RELCH: variants seen among roughly 807,000 people sequenced by gnomAD.
RELCH encodes the protein RAB11-binding protein RELCH.
A neutral mutation model predicts 150.3 loss-of-function variants in RELCH; 41 were observed. The ratio of observed to expected loss-of-function variants is 0.27; its 90% confidence interval spans 0.21 to 0.35. The LOEUF is 0.35. Ranked by LOEUF, RELCH falls within the 10% of genes least tolerant of loss-of-function variation. The pLI, the probability that RELCH is intolerant of heterozygous loss-of-function variation, is 1.00. For missense variants in RELCH, 1,092 were observed against 1,467.8 expected (o/e 0.74, Z 4.18); for synonymous variants, 478 against 531.8 (o/e 0.90, Z 1.39).
Position 62,305,245 on chromosome 18 carries a change from C to T in RELCH, c.3531-169C>T, listed in dbSNP as rs184518678. Among the ~76,000 whole-genome samples the T allele has an allele frequency of 2.1e-3, 319 of 152,290 alleles. 2 individuals are homozygous for T. Among genetic ancestry groups the T allele is most frequent in the Middle Eastern group, 6.8e-3 (2 of 294 alleles). On this transcript the variant is annotated intron_variant, in intron 28 of 28. Coordinates refer to ENST00000644646, the MANE Select transcript of RELCH (RefSeq NM_001346231.2). This position sits in a 1 kb window ranked among gnomAD's most constrained non-coding sequence, Gnocchi z 4.0. ...TGCTTCCTTTACTATAGATAATGAA[C>T]ATGAAAGCTCCTAACCTAGTATGGC... is the stretch of plus-strand genomic sequence containing the variant.
At chr18:62,280,332 T>G in intron 23 of RELCH, 1 of 1,604,024 alleles carries the variant, frequency 6.2e-7, no homozygotes, top group Non-Finnish European at 8.5e-7. Flanking sequence ...ACCAAACCAT[T>G]TTTTATTGCA....
intron 5 of RELCH, among the ~76,000 whole-genome samples, chr18:62,225,442 A>T (rs2041152962): frequency 6.6e-6 from 1 of 152,052 alleles, no homozygotes; most frequent in Non-Finnish European, 1.5e-5. Context: ...ATATCTAATA[A>T]AGGAGTTATA....
chr18:62,233,278 A>G (rs1466929667), intron 10 of RELCH, among the ~76,000 whole-genome samples: 1 of 151,876 alleles, frequency 6.6e-6, no homozygotes, highest in Non-Finnish European at 1.5e-5. Flanking sequence ...TATAAAGAAT[A>G]AATGAAGACA....
intron 20 of RELCH, among the ~76,000 whole-genome samples, chr18:62,270,957 T>C (rs1011660626): frequency 6.6e-6 from 1 of 152,048 alleles, no homozygotes; most frequent in Non-Finnish European, 1.5e-5. Context: ...ATCCATGGTG[T>C]ATATGTGCCA....
chr18:62,240,746 A>G (rs2148480396), intron 10 of RELCH, among the ~76,000 whole-genome samples: 1 of 152,212 alleles, frequency 6.6e-6, no homozygotes, highest in Non-Finnish European at 1.5e-5. Flanking sequence ...TTTCACTTCA[A>G]TACACATTAC....
chr18:62,295,285 T>C (rs2045349318), intron 27 of RELCH, among the ~76,000 whole-genome samples: 1 of 151,494 alleles, frequency 6.6e-6, no homozygotes, highest in South Asian at 2.1e-4. Context: ...ACGCTGGGAC[T>C]ACAGGCGTGA....
At chr18:62,272,996 C>G in intron 20 of RELCH, among the ~76,000 whole-genome samples, 1 of 151,436 alleles carries the variant, frequency 6.6e-6, no homozygotes, top group East Asian at 1.9e-4. Context: ...TTTTGTCAAT[C>G]CTTATCTCTA....
intron 1 of RELCH, among the ~76,000 whole-genome samples, chr18:62,204,885 A>G (rs2148267579): frequency 6.6e-6 from 1 of 152,264 alleles, no homozygotes; most frequent in Middle Eastern, 3.4e-3. Flanking sequence ...AAGAATAGCT[A>G]TTTTCCAGGA....
intron 1 of RELCH, among the ~76,000 whole-genome samples, chr18:62,196,493 G>A (rs946554824): frequency 6.6e-6 from 1 of 152,210 alleles, no homozygotes; most frequent in Non-Finnish European, 1.5e-5. Flanking sequence ...GCCTCCCAAC[G>A]TGCTGGGATT....
At chr18:62,206,067 T>G (rs1242027083) in intron 1 of RELCH, among the ~76,000 whole-genome samples, 2 of 152,096 alleles carry the variant, frequency 1.3e-5, no homozygotes, top group African/African-American at 4.8e-5. Flanking sequence ...TAGCAAGTTT[T>G]TTTGTTTGTT....
At chr18:62,263,892 A>G in intron 16 of RELCH, 97 bp from the exon 17 acceptor site, 1 of 809,776 alleles carries the variant, frequency 1.2e-6, no homozygotes, top group Non-Finnish European at 1.9e-6. Context: ...AAGTAATTAA[A>G]TATGAGGAGA....
In RELCH at chr18:62,261,398, T is replaced by A. The variant is rs2043262846; in HGVS notation, c.2203-113T>A. 7.7e-6 allele frequency: 7 copies of A among 908,418 alleles called. No individual in the cohort carries two copies. The South Asian group carries it at 9.0e-5, about 12-fold the overall frequency. The allele number at this position is 908,418 out of a possible 1,614,324, so 56.3% of individuals were successfully genotyped here. A position where few individuals can be genotyped will look rare whatever the true frequency, so the allele number is the denominator to read the frequency against. On this transcript the variant is annotated intron_variant, in intron 15 of 28. Coordinates refer to ENST00000644646, the MANE Select transcript of RELCH (RefSeq NM_001346231.2). ...CCTTACTGCTTGTTTGAGTCCAACATAAAGGTCCTTAAATCTTTGATTTGC... is the reference window on the plus strand; with the variant it reads ...CCTTACTGCTTGTTTGAGTCCAACAAAAAGGTCCTTAAATCTTTGATTTGC...
intron 2 of RELCH, among the ~76,000 whole-genome samples, chr18:62,212,471 G>A (rs1454458947): frequency 6.6e-6 from 1 of 152,154 alleles, no homozygotes; most frequent in Non-Finnish European, 1.5e-5. Flanking sequence ...CCCATAATGT[G>A]ATTTCTGTTT....
At chr18:62,290,895 A>G (rs1422483058) in intron 26 of RELCH, among the ~76,000 whole-genome samples, 1 of 152,178 alleles carries the variant, frequency 6.6e-6, no homozygotes, top group Non-Finnish European at 1.5e-5. Flanking sequence ...CTTAAAATGT[A>G]TATATGTTAT....
Position 62,305,358 on chromosome 18 carries a change from T to G in RELCH, c.3531-56T>G. 1 of 1,499,644 alleles carries G rather than the reference T, an allele frequency of 6.7e-7. No individual in the cohort carries two copies. Among genetic ancestry groups the G allele is most frequent in the Non-Finnish European group, 9.0e-7 (1 of 1,110,024 alleles). The allele number at this position is 1,499,644 out of a possible 1,614,324, so 92.9% of individuals were successfully genotyped here. A position where few individuals can be genotyped will look rare whatever the true frequency, so the allele number is the denominator to read the frequency against. On this transcript the variant is annotated intron_variant, in intron 28 of 28. Coordinates refer to ENST00000644646, the MANE Select transcript of RELCH (RefSeq NM_001346231.2). This position sits in a 1 kb window ranked among gnomAD's most constrained non-coding sequence, Gnocchi z 4.0. ...CGTTAATGATATGCTACTAAATAAA[T>G]GAAAAATTTTTATTTTTTTAATTGC...
intron 2 of RELCH, among the ~76,000 whole-genome samples, chr18:62,216,649 G>T (rs938605532): frequency 1.4e-4 from 22 of 152,028 alleles, no homozygotes; most frequent in Admixed American, 3.3e-4. Context: ...GCTACTCTTG[G>T]AACAACGGTC....
At chr18:62,247,453 A>G (rs1024803656) in intron 11 of RELCH, 1 of 152,198 alleles carries the variant, frequency 6.6e-6, no homozygotes, top group Non-Finnish European at 1.5e-5. Context: ...TGAAAAAAAA[A>G]TTAAAATATG....
At position 62,291,580 on chromosome 18, in the gene RELCH, T is replaced by G; in HGVS notation, c.3408T>G (p.Pro1136=). 6.2e-7 allele frequency: 1 copy of G among 1,610,950 alleles called. No individual in the cohort carries two copies. The highest frequency in any genetic ancestry group is 8.5e-7 in the Non-Finnish European group (1 of 1,178,434). ...ATTTAATGGTTAATCACTTTTTACC[T>G]GGTCTCAGATGTTTACGGACTGACA... is the stretch of plus-strand genomic sequence containing the variant. The part of the protein sequence containing the change: ...SEDLMVNHFL[P]GLRCLRTDME... Residue 1136 remains proline, a synonymous_variant, in exon 27 of 29, where the codon CCT becomes CCG. Transcript: ENST00000644646.
At position 62,188,051 on chromosome 18, in the gene RELCH, C is replaced by T. The variant is rs1027198082; in HGVS notation, c.526+20C>T. On this transcript the variant is annotated intron_variant, in intron 1 of 28. Coordinates refer to ENST00000644646, the MANE Select transcript of RELCH (RefSeq NM_001346231.2). ...AGCTCAGTAAGTGGACGCAGCCTGT[C>T]ACACTCCGGCAGGGTATTTGGGATT... 6.5e-7 allele frequency: 1 copy of T among 1,529,446 alleles called. No homozygotes were observed. The allele number at this position is 1,529,446 out of a possible 1,614,324, so 94.7% of individuals were successfully genotyped here. A position where few individuals can be genotyped will look rare whatever the true frequency, so the allele number is the denominator to read the frequency against.
Sources: gnomAD v4.1 joint callset for allele counts (sites outside exome capture counted in the v4.1 genomes callset) on GRCh38, gnomAD v4.1.1 for gene constraint, Gnocchi (gnomAD v3.1) non-coding constraint, MANE v1.5 for transcripts, NCBI Gene and HGNC (gene_info 2026-07-23, HGNC 2026-07-21) for gene names.